CD46: variants seen among roughly 807,000 people sequenced by gnomAD.
CD46 encodes membrane cofactor protein.
CD46 carries 30 observed loss-of-function variants against 53.3 expected under a neutral mutation model. The observed-to-expected ratio is 0.56, with a 90% CI of 0.42 to 0.76. CD46 has a LOEUF of 0.76. Ranked by LOEUF, CD46 falls within the 30% of genes least tolerant of loss-of-function variation. CD46 has a pLI of 0.00. For missense variants in CD46, 409 were observed against 463.0 expected, an observed-to-expected ratio of 0.88 and a Z score of 1.07; for synonymous variants, 142 against 152.0, an observed-to-expected ratio of 0.93 and a Z score of 0.48.
chr1:207,785,558 T>C, intron 10 of CD46, 61 bp from the exon 11 acceptor site: 1 of 1,104,020 alleles, frequency 9.1e-7, no homozygotes, highest in Middle Eastern at 2.2e-4. Context: ...TTCTGCTAGA[T>C]GTTGAATCTT....
At chr1:207,754,667 G>C (rs1655315800) in intron 1 of CD46, among the ~76,000 whole-genome samples, 1 of 152,122 alleles carries the variant, frequency 6.6e-6, no homozygotes, top group African/African-American at 2.4e-5. Context: ...GCTCAGGATG[G>C]TCTTTCTGCG....
At chr1:207,773,131 G>A (rs980838430) in intron 8 of CD46, among the ~76,000 whole-genome samples, 9 of 152,140 alleles carry the variant, frequency 5.9e-5, no homozygotes, top group African/African-American at 1.9e-4. Flanking sequence ...TCTTGGGAGG[G>A]TGTATGTGTC....
intron 8 of CD46, among the ~76,000 whole-genome samples, chr1:207,773,373 GT>G (rs1160920657): frequency 6.6e-6 from 1 of 152,126 alleles, no homozygotes; most frequent in African/African-American, 2.4e-5. Context: ...TTTTTGAAGG[GT>G]TTTTTATATC....
chr1:207,793,039 A>C (rs902157676), intron 12 of CD46, among the ~76,000 whole-genome samples: 2 of 152,226 alleles, frequency 1.3e-5, no homozygotes, highest in African/African-American at 4.8e-5. Context: ...GTTATACTAA[A>C]AGTGTGACGT....
At chr1:207,777,048 T>C (rs145644495) in intron 8 of CD46, among the ~76,000 whole-genome samples, 1 of 152,280 alleles carries the variant, frequency 6.6e-6, no homozygotes, top group African/African-American at 2.4e-5. Flanking sequence ...TTCTTAGTGA[T>C]TTTTGAGAGC....
chr1:207,793,836 G>T lies in CD46; in HGVS notation c.*359G>T. 1 of 504,616 alleles carries T rather than the reference G, an allele frequency of 2.0e-6. No individual in the cohort carries two copies. Among genetic ancestry groups the T allele is most frequent in the Non-Finnish European group, 3.6e-6 (1 of 279,122 alleles). 31.3% of individuals were successfully genotyped at this position (504,616 alleles called of 1,614,324 possible). A position where few individuals can be genotyped will look rare whatever the true frequency, so the allele number is the denominator to read the frequency against. The stretch of plus-strand genomic sequence containing the variant: ...TTGGACCAGTCAGCACAGCATGCCT[G>T]GTTGTATTAAAGCAGGGATATGCTG... On this transcript the variant is annotated 3_prime_UTR_variant, in exon 13 of 13. Coordinates refer to ENST00000367042, the MANE Select transcript of CD46 (RefSeq NM_172351.3).
At chr1:207,753,887 A>T (rs1655205291) in intron 1 of CD46, among the ~76,000 whole-genome samples, 2 of 152,192 alleles carry the variant, frequency 1.3e-5, no homozygotes, top group East Asian at 3.9e-4. Flanking sequence ...TCATTCAACG[A>T]ATATGGGTCT....
intron 9 of CD46, 33 bp downstream of exon 9, chr1:207,783,363 T>C: frequency 7.5e-7 from 1 of 1,333,574 alleles, no homozygotes; most frequent in African/African-American, 1.4e-5. Context: ...ATATAAGTGG[T>C]AGTATGTGTA....
At chr1:207,772,966 A>G (rs969074365) in intron 8 of CD46, among the ~76,000 whole-genome samples, 1 of 152,158 alleles carries the variant, frequency 6.6e-6, no homozygotes, top group African/African-American at 2.4e-5. Context: ...AATAGTTTCA[A>G]AGGAATGGTA....
intron 9 of CD46, 36 bp downstream of exon 9, chr1:207,783,366 T>A (rs759237583): frequency 2.3e-6 from 3 of 1,331,520 alleles, no homozygotes; most frequent in Non-Finnish European, 3.2e-6. Context: ...TAAGTGGTAG[T>A]ATGTGTAGAA....
At chr1:207,766,359 G>C (rs1571614677) in intron 5 of CD46, among the ~76,000 whole-genome samples, 1 of 152,060 alleles carries the variant, frequency 6.6e-6, no homozygotes, top group Non-Finnish European at 1.5e-5. Flanking sequence ...CACAACAAAA[G>C]GTCAGTGAAC....
intron 5 of CD46, among the ~76,000 whole-genome samples, chr1:207,766,149 A>T (rs2102590867): frequency 6.6e-6 from 1 of 152,268 alleles, no homozygotes; most frequent in Non-Finnish European, 1.5e-5. Flanking sequence ...GATGAGGGGG[A>T]AGAGGGGTAA....
At chr1:207,784,210 T>C (rs7541230) in intron 9 of CD46, among the ~76,000 whole-genome samples, 44,394 of 151,992 alleles carry the variant, frequency 0.29, 6,996 homozygotes, top group Admixed American at 0.41. Flanking sequence ...GATAAAGTAT[T>C]GTTTGTGAAG....
intron 8 of CD46, 66 bp downstream of exon 8, chr1:207,770,428 A>C: frequency 8.5e-7 from 1 of 1,175,684 alleles, no homozygotes; most frequent in Admixed American, 1.7e-5. Flanking sequence ...TTATACTTTA[A>C]GCTCTAGGGT....
At chr1:207,783,108 G>A (rs1363072782) in intron 8 of CD46, among the ~76,000 whole-genome samples, 184 bp from the exon 9 acceptor site, 1 of 151,896 alleles carries the variant, frequency 6.6e-6, no homozygotes, top group Non-Finnish European at 1.5e-5. Context: ...TTAAATGTAA[G>A]TTTATAAATT....
At chr1:207,770,276 TG>T (rs1238847005) in intron 7 of CD46, 44 bp from the exon 8 acceptor site, 1 of 1,351,362 alleles carries the variant, frequency 7.4e-7, no homozygotes, top group Non-Finnish European at 1.1e-6. Flanking sequence ...AATTTTATAT[TG>T]ATAAGGCCCT....
intron 12 of CD46, among the ~76,000 whole-genome samples, chr1:207,790,632 A>G (rs1205618109): frequency 6.6e-6 from 1 of 152,232 alleles, no homozygotes; most frequent in Non-Finnish European, 1.5e-5. Context: ...TGTGAATCCA[A>G]AAGTAAGAAT....
At chr1:207,761,512 A>C in intron 5 of CD46, 66 bp downstream of exon 5, 1 of 1,299,516 alleles carries the variant, frequency 7.7e-7, no homozygotes, top group East Asian at 2.3e-5. Context: ...AAATAGTTTC[A>C]TCTACAGATA....
chr1:207,793,279 A>C (rs966259357), intron 12 of CD46, among the ~76,000 whole-genome samples: 12 of 152,172 alleles, frequency 7.9e-5, no homozygotes, highest in Non-Finnish European at 1.6e-4. Context: ...TTTGTGTGCT[A>C]CTGCTCTATT....
Sources: gnomAD v4.1 joint callset for allele counts (sites outside exome capture counted in the v4.1 genomes callset) on GRCh38, gnomAD v4.1.1 for gene constraint, MANE v1.5 for transcripts, NCBI Gene and HGNC (gene_info 2026-07-23, HGNC 2026-07-21) for gene names.